RNF43: variants seen among roughly 807,000 people sequenced by gnomAD.
RNF43 encodes the protein ring finger protein 43.
Under a neutral mutation model 78.4 loss-of-function variants are expected in RNF43, and 37 were observed. The observed-to-expected ratio is 0.47, with a 90% CI of 0.36 to 0.62. The LOEUF is 0.62. RNF43 is among the 20% of genes least tolerant of loss of function. RNF43 has a pLI of 0.00. For missense variants in RNF43, 774 were observed against 1,007.9 expected (o/e 0.77, Z 3.14); for synonymous variants, 347 against 395.0 (o/e 0.88, Z 1.44).
chr17:58,363,956 G>A (rs541513801), intron 3 of RNF43, among the ~76,000 whole-genome samples: 1 of 152,330 alleles, frequency 6.6e-6, no homozygotes, highest in African/African-American at 2.4e-5. Context: ...CCTTCACTAA[G>A]AGGTATGAGC....
In RNF43 at chr17:58,362,552, T is replaced by C. The variant is rs1376333619; in HGVS notation, c.679A>G (p.Ser227Gly). The C allele has an allele frequency of 1.2e-6, 2 of 1,609,752 alleles. No individual in the cohort carries two copies. The highest frequency in any genetic ancestry group is 1.7e-5 in the Admixed American group (1 of 59,588). ...VLRIRCRPRH[S>G]RPDPLQQRTA... The stretch of plus-strand genomic sequence containing the variant: ...GACCCCACACTGCTCACCGGCCTGC[T>C]GTGGCGGGGGCGGCACCGGATGCGC... The change falls in exon 6 of 10, where the codon AGC becomes GGC. Residue 227 changes from serine (S) to glycine (G), a missense_variant. Physicochemically the swap from Ser to Gly is moderately conservative, Grantham distance 56. Coordinates refer to ENST00000407977, the MANE Select transcript of RNF43 (RefSeq NM_017763.6).
At chr17:58,403,671 C>T (rs973726382) in intron 2 of RNF43, among the ~76,000 whole-genome samples, 32 of 152,262 alleles carry the variant, frequency 2.1e-4, no homozygotes, top group African/African-American at 7.7e-4. Flanking sequence ...GGTTTAATAA[C>T]AAGGCATAGT....
chr17:58,373,108 G>C (rs1208557564), intron 2 of RNF43, among the ~76,000 whole-genome samples: 2 of 152,192 alleles, frequency 1.3e-5, no homozygotes, highest in Non-Finnish European at 2.9e-5. Context: ...CCTGAGGAAG[G>C]ACAAATCGCA....
At chr17:58,412,020 G>A (rs570143459) in intron 2 of RNF43, among the ~76,000 whole-genome samples, 1 of 152,234 alleles carries the variant, frequency 6.6e-6, no homozygotes, top group South Asian at 2.1e-4. Flanking sequence ...ATCAGTCACC[G>A]CCAGGTAATT....
intron 2 of RNF43, among the ~76,000 whole-genome samples, chr17:58,380,600 G>A (rs745673903): frequency 6.6e-6 from 1 of 152,166 alleles, no homozygotes; most frequent in Non-Finnish European, 1.5e-5. Flanking sequence ...AGATTTCAAT[G>A]CTTAAAAGGC....
chr17:58,396,449 G>A (rs1264767290), intron 2 of RNF43, among the ~76,000 whole-genome samples: 2 of 152,172 alleles, frequency 1.3e-5, no homozygotes, highest in Non-Finnish European at 2.9e-5. Flanking sequence ...AAAGAAGTCA[G>A]TCTGTGAGGA....
At chr17:58,370,517 T>G (rs756029608) in intron 3 of RNF43, among the ~76,000 whole-genome samples, 6 of 152,168 alleles carry the variant, frequency 3.9e-5, no homozygotes, top group Non-Finnish European at 8.8e-5. Flanking sequence ...GGGAAAAGTG[T>G]GAACTTTTTA....
intron 2 of RNF43, among the ~76,000 whole-genome samples, chr17:58,390,098 C>T (rs1973519093): frequency 6.6e-6 from 1 of 152,120 alleles, no homozygotes; most frequent in Admixed American, 6.5e-5. Context: ...TTATTTTATC[C>T]ATGCTCCTCC....
chr17:58,393,313 A>G (rs1973599271), intron 2 of RNF43, among the ~76,000 whole-genome samples: 2 of 152,178 alleles, frequency 1.3e-5, no homozygotes, highest in Admixed American at 1.3e-4. Flanking sequence ...ACGCTGAGGC[A>G]GGAGAATCAC....
At chr17:58,375,766 G>A (rs766358835) in intron 2 of RNF43, among the ~76,000 whole-genome samples, 14 of 152,128 alleles carry the variant, frequency 9.2e-5, no homozygotes, top group Non-Finnish European at 1.8e-4. Flanking sequence ...TTTGTTTTTT[G>A]CTGTTGTAGA....
At chr17:58,366,848 CAG>C (rs904385321) in intron 3 of RNF43, among the ~76,000 whole-genome samples, 34 of 152,260 alleles carry the variant, frequency 2.2e-4, no homozygotes, top group African/African-American at 7.7e-4. Flanking sequence ...ATTTTTGAGA[CAG>C]AGTCTCACTC....
rs75822309 is a variant in RNF43, at chr17:58,356,122, T to G, written c.2309-1136A>C. On this transcript the variant is annotated intron_variant, in intron 9 of 9. Coordinates refer to ENST00000407977, the MANE Select transcript of RNF43 (RefSeq NM_017763.6). ...ACAAACACATAGCCAAAGCTTGCAGTACATGGCTCTCTCCCCATGGACCTG... is the reference window on the plus strand; with the variant it reads ...ACAAACACATAGCCAAAGCTTGCAGGACATGGCTCTCTCCCCATGGACCTG... Among the ~76,000 whole-genome samples, 100 of 152,318 alleles carry G rather than the reference T, an allele frequency of 6.6e-4. No individual in the cohort carries two copies. In the East Asian group the frequency reaches 0.017, roughly 26 times the overall value.
intron 5 of RNF43, 95 bp from the exon 6 acceptor site, chr17:58,362,743 C>G (rs1972864987): frequency 1.1e-6 from 1 of 918,290 alleles, no homozygotes; most frequent in Non-Finnish European, 1.7e-6. Flanking sequence ...ACATAGCTAA[C>G]TGGAGGTTCC....
chr17:58,397,995 T>C (rs1973720881), intron 2 of RNF43, among the ~76,000 whole-genome samples: 1 of 152,238 alleles, frequency 6.6e-6, no homozygotes, highest in South Asian at 2.1e-4. Flanking sequence ...CCCTCTTTTT[T>C]GCTTTTAAAA....
intron 2 of RNF43, among the ~76,000 whole-genome samples, chr17:58,389,413 A>C (rs117785938): frequency 0.011 from 1,704 of 152,354 alleles, 16 homozygotes; most frequent in Middle Eastern, 0.034. Flanking sequence ...AGAGATGAAC[A>C]TTTAAATCTT....
intron 9 of RNF43, among the ~76,000 whole-genome samples, chr17:58,355,972 A>C (rs541899187): frequency 1.9e-4 from 29 of 152,360 alleles, no homozygotes; most frequent in Non-Finnish European, 3.1e-4. Context: ...TCTGGCACTG[A>C]TTAGATGTGA....
chr17:58,405,626 C>T (rs1469161592), intron 2 of RNF43, among the ~76,000 whole-genome samples: 2 of 151,116 alleles, frequency 1.3e-5, no homozygotes, highest in East Asian at 3.9e-4. Flanking sequence ...TTATAGTAAG[C>T]TCTGATGGTG....
intron 2 of RNF43, among the ~76,000 whole-genome samples, chr17:58,401,696 T>C (rs932003106): frequency 6.6e-6 from 1 of 151,984 alleles, no homozygotes; most frequent in Non-Finnish European, 1.5e-5. Context: ...TCAGGAGAAA[T>C]AAGACTATGA....
At chr17:58,361,466 C>G (rs1335392058) in intron 6 of RNF43, among the ~76,000 whole-genome samples, 2 of 152,158 alleles carry the variant, frequency 1.3e-5, no homozygotes, top group Non-Finnish European at 2.9e-5. Context: ...TTTTAACTGC[C>G]GCCTTCCTAA....
Sources: gnomAD v4.1 joint callset for allele counts (sites outside exome capture counted in the v4.1 genomes callset) on GRCh38, gnomAD v4.1.1 for gene constraint, MANE v1.5 for transcripts, NCBI Gene and HGNC (gene_info 2026-07-23, HGNC 2026-07-21) for gene names.